The following NOCT variants were observed in gnomAD, a reference collection of about 807,000 sequenced individuals.
The protein encoded by NOCT is CCR4 carbon catabolite repression 4-like.
A neutral mutation model predicts 35.0 loss-of-function variants in NOCT; 18 were observed. The observed-to-expected ratio is 0.51, with a 90% CI of 0.36 to 0.76. The LOEUF is 0.76. Ranked by LOEUF, NOCT falls within the 30% of genes least tolerant of loss-of-function variation. The probability of loss-of-function intolerance (pLI) is 0.01; values close to 1 mark genes in which losing one functional copy is unlikely to be tolerated. For synonymous variants in NOCT, 235 were observed against 226.3 expected, an observed-to-expected ratio of 1.04 and a Z score of -0.34; for missense variants, 479 against 541.0, an observed-to-expected ratio of 0.89 and a Z score of 1.14.
intron 1 of NOCT, among the ~76,000 whole-genome samples, chr4:139,039,761 C>T (rs999919222): frequency 9.9e-5 from 15 of 152,026 alleles, no homozygotes; most frequent in African/African-American, 3.6e-4. Context: ...TGGAGTATCG[C>T]TCTATTGCCA....
In NOCT at chr4:139,016,060, G is replaced by A; in HGVS notation, c.79G>A (p.Gly27Arg). Residue 27 changes from glycine (G) to arginine (R), a missense_variant, in exon 1 of 3, where the codon GGG becomes AGG. Coordinates refer to ENST00000280614, the MANE Select transcript of NOCT (RefSeq NM_012118.4). ...CGGCCTGCGCCGCCTGCCCGCCCCA[G>A]GGCTGCGCCGCCCGTTGTCCCCGCC... The part of the protein sequence containing the change: ...APGLRRLPAP[G>R]LRRPLSPPAA... The A allele has an allele frequency of 7.2e-7, 1 of 1,392,372 alleles. No individual in the cohort carries two copies. The highest frequency in any genetic ancestry group is 9.3e-7 in the Non-Finnish European group (1 of 1,071,428). 86.3% of individuals were successfully genotyped at this position (1,392,372 alleles called of 1,614,324 possible).
At chr4:139,035,374 G>A (rs1015308805) in intron 1 of NOCT, among the ~76,000 whole-genome samples, 1 of 152,066 alleles carries the variant, frequency 6.6e-6, no homozygotes, top group Non-Finnish European at 1.5e-5. Context: ...GACCCTAAGC[G>A]ATCCTCCTGC....
At chr4:139,026,851 CT>C (rs930223076) in intron 1 of NOCT, among the ~76,000 whole-genome samples, 11 of 144,038 alleles carry the variant, frequency 7.6e-5, no homozygotes, top group Non-Finnish European at 1.1e-4. Context: ...CATCCCTGGC[CT>C]TTTTTTTTTC....
intron 1 of NOCT, among the ~76,000 whole-genome samples, chr4:139,023,650 C>T (rs1160758309): frequency 6.6e-6 from 1 of 152,122 alleles, no homozygotes; most frequent in African/African-American, 2.4e-5. Context: ...GCCCCTGCCA[C>T]CATGCCCTGC....
chr4:139,032,413 G>T (rs1015707445), intron 1 of NOCT, among the ~76,000 whole-genome samples: 1 of 152,144 alleles, frequency 6.6e-6, no homozygotes, highest in Non-Finnish European at 1.5e-5. Flanking sequence ...CCAACACCTA[G>T]GGAGGCTGAG....
chr4:139,037,589 G>A (rs1265658121), intron 1 of NOCT, among the ~76,000 whole-genome samples: 1 of 152,108 alleles, frequency 6.6e-6, no homozygotes, highest in Non-Finnish European at 1.5e-5. Context: ...TTAATAGGAA[G>A]ATATGTGTCT....
At chr4:139,016,277 G>A in intron 1 of NOCT, 106 bp downstream of exon 1, 1 of 710,330 alleles carries the variant, frequency 1.4e-6, no homozygotes, top group East Asian at 3.8e-5. Context: ...GCCGGTCGTG[G>A]AGTCTGGCCT....
At chr4:139,029,643 T>G (rs1260082378) in intron 1 of NOCT, among the ~76,000 whole-genome samples, 1 of 152,212 alleles carries the variant, frequency 6.6e-6, no homozygotes, top group Non-Finnish European at 1.5e-5. Flanking sequence ...ATATAAGAGA[T>G]GGGGTCTCAC....
chr4:139,043,070 G>C lies in NOCT; in HGVS notation c.191-4G>C. 8 of 1,588,012 alleles carry C rather than the reference G, an allele frequency of 5.0e-6. No homozygotes were observed. The highest frequency in any genetic ancestry group is 6.9e-6 in the Non-Finnish European group (8 of 1,159,984). On this transcript the variant is annotated splice_region_variant and splice_polypyrimidine_tract_variant and intron_variant, in intron 1 of 2. Transcript: ENST00000280614. ...GTGTGTAACTGTGATTTCCTTTTCC[G>C]TAGTGTGTTCCATGGGAACCGGTAC...
chr4:139,024,136 C>T (rs1726473228), intron 1 of NOCT, among the ~76,000 whole-genome samples: 1 of 150,252 alleles, frequency 6.7e-6, no homozygotes, highest in Admixed American at 6.7e-5. Context: ...TCATAGCTCA[C>T]TGTAACCTCC....
intron 1 of NOCT, chr4:139,028,423 G>A (rs1159222483): frequency 6.6e-6 from 1 of 152,338 alleles, no homozygotes; most frequent in Non-Finnish European, 1.5e-5. Context: ...TAGGTTGAGA[G>A]TTCTGACCTT....
chr4:139,021,002 G>T (rs1317920188), intron 1 of NOCT, among the ~76,000 whole-genome samples: 2 of 150,750 alleles, frequency 1.3e-5, no homozygotes, highest in Non-Finnish European at 2.9e-5. Flanking sequence ...AGGAGGCGGA[G>T]GTATCAGTGA....
At chr4:139,031,273 C>G (rs1726618697) in intron 1 of NOCT, among the ~76,000 whole-genome samples, 1 of 152,030 alleles carries the variant, frequency 6.6e-6, no homozygotes, top group Admixed American at 6.6e-5. Context: ...CCTCAGCCTC[C>G]TGAGTAGCTG....
rs578124436 is a variant in NOCT at position 139,018,911 on chromosome 4, G to A, written c.190+2740G>A. Reference sequence around the variant, plus strand: ...GGAAGAGATTACTATAAAGCGTTTTGTTTGGAAAAAGCAGGAGTAAATGCA... The same window carrying A: ...GGAAGAGATTACTATAAAGCGTTTTATTTGGAAAAAGCAGGAGTAAATGCA... On this transcript the variant is annotated intron_variant, in intron 1 of 2. Transcript: ENST00000280614. 2.0e-5 allele frequency among the ~76,000 whole-genome samples: 3 copies of A among 152,286 alleles called. No homozygotes were observed. In the East Asian group the frequency reaches 5.8e-4, roughly 29 times the overall value.
At chr4:139,028,594 C>T (rs1473188279) in intron 1 of NOCT, among the ~76,000 whole-genome samples, 1 of 152,200 alleles carries the variant, frequency 6.6e-6, no homozygotes, top group Non-Finnish European at 1.5e-5. Context: ...CTGCTGTGTG[C>T]GCCTGGGGCT....
intron 1 of NOCT, among the ~76,000 whole-genome samples, chr4:139,033,211 A>G (rs1361250580): frequency 6.7e-6 from 1 of 150,372 alleles, no homozygotes; most frequent in African/African-American, 2.5e-5. Flanking sequence ...CTAAACATAT[A>G]AAAATTAGAC....
chr4:139,042,853 G>A (rs995406929), intron 1 of NOCT, among the ~76,000 whole-genome samples: 12 of 151,856 alleles, frequency 7.9e-5, no homozygotes, highest in African/African-American at 2.9e-4. Context: ...GGTGGAGGTT[G>A]CGGTGAGCCG....
At chr4:139,017,452 TC>T (rs1248974917) in intron 1 of NOCT, among the ~76,000 whole-genome samples, 1 of 151,144 alleles carries the variant, frequency 6.6e-6, no homozygotes, top group Non-Finnish European at 1.5e-5. Context: ...GGCCTCGAAC[TC>T]CCTAGCTCAG....
At chr4:139,036,845 G>T (rs1376817986) in intron 1 of NOCT, among the ~76,000 whole-genome samples, 1 of 152,206 alleles carries the variant, frequency 6.6e-6, no homozygotes, top group African/African-American at 2.4e-5. Flanking sequence ...AAGAAGATTA[G>T]AGTGTTGCCA....
Sources: gnomAD v4.1 joint callset for allele counts (sites outside exome capture counted in the v4.1 genomes callset) on GRCh38, gnomAD v4.1.1 for gene constraint, MANE v1.5 for transcripts, NCBI Gene and HGNC (gene_info 2026-07-23, HGNC 2026-07-21) for gene names.